Variants in PPP4R2 observed in about 807,000 individuals in gnomAD.
The protein encoded by PPP4R2 is serine/threonine-protein phosphatase 4 regulatory subunit 2.
In PPP4R2, 13 loss-of-function variants were observed where a neutral mutation model predicts 47.2. The ratio of observed to expected loss-of-function variants is 0.28; its 90% confidence interval spans 0.18 to 0.44. PPP4R2 has a LOEUF of 0.44. Among genes scored for constraint, PPP4R2 ranks in the 20% least tolerant of loss-of-function variants. The probability of loss-of-function intolerance (pLI) is 1.00; values close to 1 mark genes in which losing one functional copy is unlikely to be tolerated. For missense variants in PPP4R2, 421 were observed against 491.2 expected, an observed-to-expected ratio of 0.86 and a Z score of 1.35; for synonymous variants, 151 against 163.3, an observed-to-expected ratio of 0.92 and a Z score of 0.57.
intron 2 of PPP4R2, among the ~76,000 whole-genome samples, chr3:73,043,838 C>T (rs148260715): frequency 6.6e-6 from 1 of 152,214 alleles, no homozygotes; most frequent in East Asian, 1.9e-4. Context: ...TGTATGTTAC[C>T]ATCACTATCA....
chr3:73,010,820 A>C (rs4280576), intron 2 of PPP4R2, among the ~76,000 whole-genome samples: 2 of 151,810 alleles, frequency 1.3e-5, no homozygotes, highest in East Asian at 1.9e-4. Flanking sequence ...GATTACAGGC[A>C]TGAGCCACTG....
upstream of PPP4R2, chr3:72,996,757 A>G: frequency 3.1e-6 from 1 of 318,094 alleles, no homozygotes; most frequent in Non-Finnish European, 5.7e-6. Context: ...TCCGGGCCGG[A>G]GCGCGCGGCG....
chr3:73,012,533 C>A (rs1356348950), intron 2 of PPP4R2, among the ~76,000 whole-genome samples: 1 of 152,168 alleles, frequency 6.6e-6, no homozygotes, highest in East Asian at 1.9e-4. Flanking sequence ...GATCTCCTGA[C>A]CTCATGATCC....
chr3:73,025,386 TTCTTACTAAGA>T (rs1702043730), intron 2 of PPP4R2, among the ~76,000 whole-genome samples: 1 of 152,248 alleles, frequency 6.6e-6, no homozygotes, highest in African/African-American at 2.4e-5. Flanking sequence ...ACGTTTATTG[TTCTTACTAAGA>T]TCTTTGAATT....
In PPP4R2 at chr3:73,069,143, A is replaced by G. The variant is rs1448354495; in HGVS notation, c.*3421A>G. ...TTTCTTTTATTTCAACTTGGAGCCT[A>G]GATTACTTTGCCAAATGTATTATTT... On this transcript the variant is annotated 3_prime_UTR_variant, in exon 9 of 9. Transcript: ENST00000356692. The G allele has an allele frequency of 3.3e-5, 5 of 152,222 alleles. No homozygotes were observed. Among genetic ancestry groups the G allele is most frequent in the Non-Finnish European group, 7.3e-5 (5 of 68,038 alleles). The allele number at this position is 152,222 out of a possible 1,614,324, so 9.4% of individuals were successfully genotyped here. A position where few individuals can be genotyped will look rare whatever the true frequency, so the allele number is the denominator to read the frequency against.
At chr3:73,006,190 A>ATTT (rs71624000) in intron 2 of PPP4R2, among the ~76,000 whole-genome samples, 13 of 124,170 alleles carry the variant, frequency 1.0e-4, no homozygotes, top group African/African-American at 3.4e-4. Flanking sequence ...ATATGCCACA[A>ATTT]TTTTTTTTTT....
In PPP4R2 at chr3:73,057,385, T is replaced by TTG. The variant is rs537159060; in HGVS notation, c.288-1650_288-1649dup. On this transcript the variant is annotated intron_variant, in intron 3 of 8. Transcript: ENST00000356692. ...TTTAAAAGGATTCTTCATTTTGACATTGTACTTCACTCTGAGTAGATTTTC... is the reference window on the plus strand; with the variant it reads ...TTTAAAAGGATTCTTCATTTTGACATTGTGTACTTCACTCTGAGTAGATTTTC... 4.9e-4 allele frequency among the ~76,000 whole-genome samples: 74 copies of TTG among 152,260 alleles called. 2 individuals are homozygous for TTG. In the South Asian group the frequency reaches 0.012, roughly 24 times the overall value.
intron 2 of PPP4R2, chr3:73,014,962 C>A: frequency 1.4e-6 from 1 of 696,006 alleles, no homozygotes; most frequent in Non-Finnish European, 2.6e-6. Flanking sequence ...CCTCAACTTC[C>A]CAAACTGCGG....
At chr3:73,014,991 G>A in intron 2 of PPP4R2, 1 of 684,840 alleles carries the variant, frequency 1.5e-6, no homozygotes, top group Middle Eastern at 2.3e-4. Flanking sequence ...GATGTAAGCA[G>A]CCTCACCCAG....
intron 5 of PPP4R2, chr3:73,061,894 A>G: frequency 1.8e-6 from 1 of 546,598 alleles, no homozygotes; most frequent in Admixed American, 3.7e-5. Context: ...GTTCCCAAGA[A>G]TATAGTTATG....
chr3:73,030,317 GTGTACA>G (rs1317973321), intron 2 of PPP4R2, among the ~76,000 whole-genome samples: 5 of 152,166 alleles, frequency 3.3e-5, no homozygotes, highest in Non-Finnish European at 7.3e-5. Context: ...AGTTCAGGGT[GTGTACA>G]TGTACATGAC....
At chr3:73,039,875 G>A (rs1231817324) in intron 2 of PPP4R2, among the ~76,000 whole-genome samples, 4 of 152,140 alleles carry the variant, frequency 2.6e-5, no homozygotes, top group South Asian at 2.1e-4. Context: ...CCAACATGGC[G>A]AAACACCGTC....
chr3:72,999,631 A>G (rs1701419405), intron 2 of PPP4R2, among the ~76,000 whole-genome samples: 1 of 152,208 alleles, frequency 6.6e-6, no homozygotes, highest in South Asian at 2.1e-4. Context: ...TAAATAATTG[A>G]AAGTTTCTAA....
Position 73,066,540 on chromosome 3 carries a change from T to C in PPP4R2, c.*818T>C, listed in dbSNP as rs1295441441. 7 of 152,178 alleles carry C rather than the reference T, an allele frequency of 4.6e-5. No homozygotes were observed. In the South Asian group the frequency reaches 8.3e-4, roughly 18 times the overall value. 9.4% of individuals were successfully genotyped at this position (152,178 alleles called of 1,614,324 possible). On this transcript the variant is annotated 3_prime_UTR_variant, in exon 9 of 9. Coordinates refer to ENST00000356692, the MANE Select transcript of PPP4R2 (RefSeq NM_174907.4). Reference sequence around the variant, plus strand: ...AGACTTCATTATTTATGAGAAAATATGCTTTATCTTGGAAATTGTGTTCAA... The same window carrying C: ...AGACTTCATTATTTATGAGAAAATACGCTTTATCTTGGAAATTGTGTTCAA...
At chr3:72,999,397 A>G (rs904643843) in intron 2 of PPP4R2, among the ~76,000 whole-genome samples, 1 of 152,296 alleles carries the variant, frequency 6.6e-6, no homozygotes, top group East Asian at 1.9e-4. Context: ...AATCCCTAAA[A>G]CATAAATGCT....
chr3:73,025,956 G>A (rs1354476132), intron 2 of PPP4R2, among the ~76,000 whole-genome samples: 2 of 152,082 alleles, frequency 1.3e-5, no homozygotes, highest in Non-Finnish European at 2.9e-5. Flanking sequence ...TTAGGTTATG[G>A]ATCTGTAGAT....
At chr3:73,015,712 A>G (rs1701816040) in intron 2 of PPP4R2, 1 of 321,398 alleles carries the variant, frequency 3.1e-6, no homozygotes, top group Non-Finnish European at 6.3e-6. Flanking sequence ...ATCTCGGCTC[A>G]CTGCAAGCTC....
chr3:73,003,580 CT>C lies in PPP4R2; in HGVS notation c.116+5424del, dbSNP rs574394976. Reference sequence around the variant, plus strand: ...ATATATCTCATGCCTACAACCAGTCCTTATGTCATTGTCATTGTATTCTCTC... The same window carrying C: ...ATATATCTCATGCCTACAACCAGTCCTATGTCATTGTCATTGTATTCTCTC... On this transcript the variant is annotated intron_variant, in intron 2 of 8. Coordinates refer to ENST00000356692, the MANE Select transcript of PPP4R2 (RefSeq NM_174907.4). Among the ~76,000 whole-genome samples, 33 of 152,232 alleles carry C rather than the reference CT, an allele frequency of 2.2e-4. 2 individuals are homozygous for C. The South Asian group carries it at 6.4e-3, about 30-fold the overall frequency.
rs1182411090 is a variant in PPP4R2 at position 73,014,140 on chromosome 3, A to G, written c.116+15982A>G. Among the ~76,000 whole-genome samples the G allele has an allele frequency of 1.3e-4, 17 of 130,080 alleles. 3 individuals carry two copies. Among genetic ancestry groups the G allele is most frequent in the African/African-American group, 4.6e-4 (17 of 37,290 alleles). 85.3% of individuals were successfully genotyped at this position (130,080 alleles called of 152,430 possible). On this transcript the variant is annotated intron_variant, in intron 2 of 8. Transcript: ENST00000356692. ...ATGTAAGAGTGGGATTTATGGGTTCATGATTATGTACGTTACTATGTTTGA... is the reference window on the plus strand; with the variant it reads ...ATGTAAGAGTGGGATTTATGGGTTCGTGATTATGTACGTTACTATGTTTGA...
Sources: gnomAD v4.1 joint callset for allele counts (sites outside exome capture counted in the v4.1 genomes callset) on GRCh38, gnomAD v4.1.1 for gene constraint, MANE v1.5 for transcripts, NCBI Gene and HGNC (gene_info 2026-07-23, HGNC 2026-07-21) for gene names.